Variants in IRAK1BP1 observed in about 807,000 individuals in gnomAD.
IRAK1BP1 encodes the protein interleukin-1 receptor-associated kinase 1-binding protein 1.
A neutral mutation model predicts 28.0 loss-of-function variants in IRAK1BP1; 24 were observed. The ratio of observed to expected loss-of-function variants is 0.86; its 90% CI spans 0.62 to 1.20. The LOEUF (loss-of-function observed/expected upper bound fraction) is 1.20. Among genes scored for constraint, IRAK1BP1 ranks in the 50% most tolerant of loss-of-function variants. The pLI, the probability that IRAK1BP1 is intolerant of heterozygous loss-of-function variation, is 0.00. For synonymous variants in IRAK1BP1, 131 were observed against 116.3 expected (o/e 1.13, Z -0.81); for missense variants, 336 against 316.7 (o/e 1.06, Z -0.46).
At chr6:78,951,992 T>C in the IRAK1BP1 span, among the ~76,000 whole-genome samples, 141 of 152,364 alleles carry the variant, frequency 9.3e-4, no homozygotes, top group Non-Finnish European at 1.6e-3. Context: ...CTCCATTTTT[T>C]CTGTATGACT....
intron 4 of IRAK1BP1, among the ~76,000 whole-genome samples, chr6:78,934,692 CTGGCTATT>C (rs1439997291): frequency 1.3e-5 from 2 of 152,166 alleles, no homozygotes; most frequent in Admixed American, 1.3e-4. Flanking sequence ...ATTATCACCA[CTGGCTATT>C]TGAACAGAAT....
At chr6:78,962,994 C>CT in the IRAK1BP1 span, 1 of 942,010 alleles carries the variant, frequency 1.1e-6, no homozygotes, top group Non-Finnish European at 1.6e-6. Context: ...AAACCACTGA[C>CT]TTAGGATATT....
intron 2 of IRAK1BP1, 112 bp from the exon 3 acceptor site, chr6:78,897,717 C>A: frequency 2.6e-6 from 2 of 774,156 alleles, no homozygotes; most frequent in African/African-American, 1.7e-5. Flanking sequence ...AAATCTGTTA[C>A]ATACTATAAA....
intron 1 of IRAK1BP1, among the ~76,000 whole-genome samples, chr6:78,882,244 G>C (rs745455876): frequency 1.3e-5 from 2 of 152,092 alleles, no homozygotes; most frequent in Non-Finnish European, 2.9e-5. Flanking sequence ...TGCTCAAAAA[G>C]TAAAGGAAAG....
downstream of IRAK1BP1, among the ~76,000 whole-genome samples, chr6:78,906,691 A>G (rs1374641507): frequency 6.6e-6 from 1 of 152,206 alleles, no homozygotes; most frequent in African/African-American, 2.4e-5. Flanking sequence ...CAAAAGGAAA[A>G]TGCATACTGA....
chr6:78,968,027 A>G, the IRAK1BP1 span, among the ~76,000 whole-genome samples: 1 of 152,128 alleles, frequency 6.6e-6, no homozygotes, highest in African/African-American at 2.4e-5. Flanking sequence ...AGTCCCAGCT[A>G]ATCGGGAGGC....
the IRAK1BP1 span, among the ~76,000 whole-genome samples, chr6:78,969,275 T>C: frequency 6.6e-6 from 1 of 152,298 alleles, no homozygotes; most frequent in East Asian, 1.9e-4. Context: ...TTTCAAACCA[T>C]ACATACCGTG....
intron 4 of IRAK1BP1, among the ~76,000 whole-genome samples, chr6:78,916,258 C>A (rs139805389): frequency 6.6e-6 from 1 of 152,054 alleles, no homozygotes; most frequent in African/African-American, 2.4e-5. Flanking sequence ...AGATTGCCTG[C>A]TTCTAGACCC....
chr6:78,886,201 A>C (rs900269517), intron 2 of IRAK1BP1, among the ~76,000 whole-genome samples: 1 of 152,160 alleles, frequency 6.6e-6, no homozygotes, highest in Admixed American at 6.5e-5. Flanking sequence ...CAGATAATAC[A>C]TTATTTTTCT....
chr6:78,878,805 A>G (rs1771109550), intron 1 of IRAK1BP1, among the ~76,000 whole-genome samples: 1 of 152,204 alleles, frequency 6.6e-6, no homozygotes, highest in South Asian at 2.1e-4. Context: ...GAAGACCTTA[A>G]ATGACCTGAT....
chr6:78,946,731 A>G, downstream of IRAK1BP1: 2 of 1,581,622 alleles, frequency 1.3e-6, no homozygotes, highest in South Asian at 2.3e-5. Context: ...CACTACTGGA[A>G]ACAGAGCTGC....
At chr6:78,883,937 G>T (rs904118524) in intron 1 of IRAK1BP1, among the ~76,000 whole-genome samples, 8 of 151,962 alleles carry the variant, frequency 5.3e-5, no homozygotes, top group African/African-American at 1.7e-4. Flanking sequence ...TTATATATAA[G>T]GTTGGATACT....
chr6:78,940,660 T>G (rs1395432202), intron 4 of IRAK1BP1: 1 of 1,472,638 alleles, frequency 6.8e-7, no homozygotes, highest in East Asian at 2.5e-5. Flanking sequence ...GTACCTGCTT[T>G]ATAGATTTTG....
chr6:78,946,674 A>G, downstream of IRAK1BP1: 2 of 1,504,094 alleles, frequency 1.3e-6, no homozygotes, highest in Non-Finnish European at 1.8e-6. Flanking sequence ...GATGAAAGTT[A>G]TAGATCAGCT....
chr6:78,877,693 A>G (rs1412196765), intron 1 of IRAK1BP1, among the ~76,000 whole-genome samples: 1 of 152,232 alleles, frequency 6.6e-6, no homozygotes, highest in Non-Finnish European at 1.5e-5. Context: ...AGGGCGAGGC[A>G]TCACCTTACC....
chr6:78,969,939 T>C, the IRAK1BP1 span: 74 of 1,570,500 alleles, frequency 4.7e-5, 1 homozygote, highest in Admixed American at 2.8e-4. Flanking sequence ...CAGAAACAAA[T>C]TGATTAGGTC....
At chr6:78,938,228 C>T (rs959000948) in intron 4 of IRAK1BP1, 11 of 151,586 alleles carry the variant, frequency 7.3e-5, no homozygotes, top group African/African-American at 2.7e-4. Context: ...CTGTGCTTTA[C>T]TAAGAAACCA....
At chr6:78,872,245 T>G in intron 1 of IRAK1BP1, 1 of 582,440 alleles carries the variant, frequency 1.7e-6, no homozygotes, top group Admixed American at 3.0e-5. Flanking sequence ...TTTCCTTATC[T>G]GTCTTGCATC....
chr6:78,869,523 T>C (rs1469175111), intron 1 of IRAK1BP1, among the ~76,000 whole-genome samples: 1 of 151,956 alleles, frequency 6.6e-6, no homozygotes, highest in Non-Finnish European at 1.5e-5. Context: ...CTCAAATAAG[T>C]AGTAAGTAAA....
Sources: allele counts gnomAD v4.1 joint callset (sites outside exome capture counted in the v4.1 genomes callset), GRCh38; gene constraint gnomAD v4.1.1; transcripts MANE v1.5; gene names NCBI Gene and HGNC (gene_info 2026-07-23, HGNC 2026-07-21).